Variants in SGIP1 observed in about 807,000 individuals in gnomAD.
SGIP1 encodes SH3-containing GRB2-like protein 3-interacting protein 1.
SGIP1 carries 38 observed loss-of-function variants against 107.5 expected under a neutral mutation model. The observed-to-expected ratio is 0.35, with a 90% CI of 0.27 to 0.46. The LOEUF is 0.46. Ranked by LOEUF, SGIP1 falls within the 20% of genes least tolerant of loss-of-function variation. The pLI, the probability that SGIP1 is intolerant of heterozygous loss-of-function variation, is 1.00. For synonymous variants in SGIP1, 365 were observed against 366.1 expected, an observed-to-expected ratio of 1.00 and a Z score of 0.03; for missense variants, 929 against 1,019.5, an observed-to-expected ratio of 0.91 and a Z score of 1.21.
At chr1:66,616,453 TG>T (rs1251827585) in intron 1 of SGIP1, among the ~76,000 whole-genome samples, 1 of 152,202 alleles carries the variant, frequency 6.6e-6, no homozygotes, top group East Asian at 1.9e-4. Context: ...GGTGTCGTAC[TG>T]GGTTTTTATA....
intron 1 of SGIP1, among the ~76,000 whole-genome samples, chr1:66,574,906 C>G (rs12741427): frequency 6.6e-6 from 1 of 152,012 alleles, no homozygotes; most frequent in Non-Finnish European, 1.5e-5. Flanking sequence ...TATTTTGGAG[C>G]GTTAAACTAT....
chr1:66,660,506 C>A lies in SGIP1; in HGVS notation c.460-7C>A. ...TTTATTCTTCCTCCCCATGCCTACG[C>A]TTTTAGAGGAAAAGTCCGGTAAGAA... is the stretch of plus-strand genomic sequence containing the variant. On this transcript the variant is annotated splice_region_variant and splice_polypyrimidine_tract_variant and intron_variant, in intron 7 of 24. Transcript: ENST00000371037. 1 of 1,610,394 alleles carries A rather than the reference C, an allele frequency of 6.2e-7. No individual in the cohort carries two copies. Among genetic ancestry groups the A allele is most frequent in the East Asian group, 2.2e-5 (1 of 44,844 alleles).
chr1:66,686,206 C>G (rs985599379), intron 15 of SGIP1, among the ~76,000 whole-genome samples: 3 of 152,164 alleles, frequency 2.0e-5, no homozygotes, highest in African/African-American at 7.2e-5. Context: ...TGTGCCTTGA[C>G]CACTTCTCCC....
chr1:66,742,460 C>CTTATTTTTTTTTTTTTTTTTT (rs2094478766), intron 24 of SGIP1, among the ~76,000 whole-genome samples: 1 of 45,104 alleles, frequency 2.2e-5, no homozygotes, highest in African/African-American at 9.9e-5. Flanking sequence ...AGCACCCTTT[C>CTTATTTTTTTTTTTTTTTTTT]TTTTTTTTTT....
In SGIP1 at chr1:66,744,071, G is replaced by A. The variant is rs137930509; in HGVS notation, c.*976G>A. ...CCAGTATGGGGGAATGATACCTCAC[G>A]TCTTCCTCTTTACCCACAGGAATCA... is the stretch of plus-strand genomic sequence containing the variant. On this transcript the variant is annotated 3_prime_UTR_variant, in exon 25 of 25. Coordinates refer to ENST00000371037, the MANE Select transcript of SGIP1 (RefSeq NM_032291.4). 1.3e-5 allele frequency: 2 copies of A among 152,114 alleles called. No individual in the cohort carries two copies. Among genetic ancestry groups the A allele is most frequent in the African/African-American group, 4.8e-5 (2 of 41,518 alleles). The allele number at this position is 152,114 out of a possible 1,614,324, so 9.4% of individuals were successfully genotyped here. A position where few individuals can be genotyped will look rare whatever the true frequency, so the allele number is the denominator to read the frequency against.
At chr1:66,629,845 A>T (rs981468901) in intron 2 of SGIP1, among the ~76,000 whole-genome samples, 1 of 152,184 alleles carries the variant, frequency 6.6e-6, no homozygotes, top group African/African-American at 2.4e-5. Flanking sequence ...TTATTCTAGA[A>T]AACATTTAAT....
At chr1:66,598,193 G>A (rs2065094281) in intron 1 of SGIP1, among the ~76,000 whole-genome samples, 1 of 152,018 alleles carries the variant, frequency 6.6e-6, no homozygotes, top group Admixed American at 6.5e-5. Flanking sequence ...AAGAGAAATG[G>A]GTGATTTTAA....
At chr1:66,711,891 T>G (rs904523472) in intron 18 of SGIP1, among the ~76,000 whole-genome samples, 2 of 152,266 alleles carry the variant, frequency 1.3e-5, no homozygotes. Flanking sequence ...GATCCTTCCT[T>G]GGATAAGATT....
At chr1:66,565,338 T>C (rs2059499359) in intron 1 of SGIP1, among the ~76,000 whole-genome samples, 1 of 152,084 alleles carries the variant, frequency 6.6e-6, no homozygotes, top group African/African-American at 2.4e-5. Flanking sequence ...GATTTTCATT[T>C]ATTTTATGTT....
chr1:66,629,592 A>G (rs2073801575), intron 2 of SGIP1, among the ~76,000 whole-genome samples: 1 of 152,204 alleles, frequency 6.6e-6, no homozygotes, highest in Non-Finnish European at 1.5e-5. Flanking sequence ...AAAAGACAGT[A>G]GTTACAAAAG....
intron 24 of SGIP1, among the ~76,000 whole-genome samples, 195 bp downstream of exon 24, chr1:66,741,631 G>C (rs1472509766): frequency 3.3e-5 from 5 of 152,048 alleles, no homozygotes; most frequent in Non-Finnish European, 1.5e-5. Flanking sequence ...AAGTCAGGAG[G>C]CTCTGACTTC....
chr1:66,675,537 C>CTTTTTTTTTTTTTTTTTTTTTTTTT lies in SGIP1; in HGVS notation c.647-1464_647-1463insTTTTTTTTTTTTTTTTTTTTTTTTT, dbSNP rs141370211. Among the ~76,000 whole-genome samples the CTTTTTTTTTTTTTTTTTTTTTTTTT allele has an allele frequency of 1.1e-3, 125 of 109,196 alleles. 18 individuals are homozygous for CTTTTTTTTTTTTTTTTTTTTTTTTT. The highest frequency in any genetic ancestry group is 2.2e-3 in the African/African-American group (54 of 24,262). The allele number at this position is 109,196 out of a possible 152,430, so 71.6% of individuals were successfully genotyped here. A position where few individuals can be genotyped will look rare whatever the true frequency, so the allele number is the denominator to read the frequency against. ...TTTCGTTGTTTTTCTTTTTCTTTTT[C>CTTTTTTTTTTTTTTTTTTTTTTTTT]TTTCTTTTTTTTTTTTTTTTTTGAC... On this transcript the variant is annotated intron_variant, in intron 12 of 24. Transcript: ENST00000371037.
chr1:66,630,833 A>AAGAGAGAGAGAGAGAGAGAGAGAG (rs1207567614), intron 2 of SGIP1, among the ~76,000 whole-genome samples: 1 of 11,306 alleles, frequency 8.8e-5, no homozygotes. Flanking sequence ...GAAAGAAAGA[A>AAGAGAGAGAGAGAGAGAGAGAGAG]AGAAAGAAAG....
intron 1 of SGIP1, chr1:66,616,008 A>G (rs1290574202): frequency 6.6e-6 from 1 of 152,236 alleles, no homozygotes; most frequent in Non-Finnish European, 1.5e-5. Flanking sequence ...CTACTTTCAG[A>G]TCACAATGGA....
intron 1 of SGIP1, among the ~76,000 whole-genome samples, chr1:66,608,291 T>C (rs12046520): frequency 0.13 from 20,414 of 152,264 alleles, 1,785 homozygotes; most frequent in East Asian, 0.31. Context: ...TAGCTCTTCT[T>C]ATTTCACAGA....
At chr1:66,587,283 T>A (rs1303405659) in intron 1 of SGIP1, among the ~76,000 whole-genome samples, 1 of 152,114 alleles carries the variant, frequency 6.6e-6, no homozygotes, top group Non-Finnish European at 1.5e-5. Context: ...TTTTCAGCTA[T>A]GCCTTCTTTC....
chr1:66,638,818 A>G (rs1176775929), intron 4 of SGIP1, among the ~76,000 whole-genome samples: 2 of 152,166 alleles, frequency 1.3e-5, no homozygotes, highest in Non-Finnish European at 2.9e-5. Context: ...TTGTTGCAAA[A>G]TTAGAGGTCC....
chr1:66,578,077 A>AT (rs1175952000), intron 1 of SGIP1, among the ~76,000 whole-genome samples: 2 of 152,038 alleles, frequency 1.3e-5, no homozygotes, highest in African/African-American at 2.4e-5. Flanking sequence ...TTATATTTTA[A>AT]TTTTTTTCCA....
intron 18 of SGIP1, among the ~76,000 whole-genome samples, chr1:66,708,226 T>A (rs1207198967): frequency 2.6e-5 from 4 of 152,172 alleles, no homozygotes. Context: ...CTCAGAGAGA[T>A]GTTTTGAGAT....
Sources: allele counts gnomAD v4.1 joint callset (sites outside exome capture counted in the v4.1 genomes callset), GRCh38; gene constraint gnomAD v4.1.1; transcripts MANE v1.5; gene names NCBI Gene and HGNC (gene_info 2026-07-23, HGNC 2026-07-21).